The following CAMK4 variants were observed in gnomAD, a reference collection of about 807,000 sequenced individuals.
CAMK4 encodes the protein calcium/calmodulin-dependent protein kinase type IV.
A neutral mutation model predicts 44.9 loss-of-function variants in CAMK4; 22 were observed. The ratio of observed to expected loss-of-function variants is 0.49; its 90% CI spans 0.35 to 0.70. CAMK4 has a LOEUF of 0.70. Among genes scored for constraint, CAMK4 ranks in the 30% least tolerant of loss-of-function variants. CAMK4 has a pLI of 0.01. For missense variants in CAMK4, 498 were observed against 586.8 expected (o/e 0.85, Z 1.56); for synonymous variants, 218 against 215.4 (o/e 1.01, Z -0.11).
At chr5:111,461,796 A>G (rs2112467808) in intron 7 of CAMK4, among the ~76,000 whole-genome samples, 1 of 144,628 alleles carries the variant, frequency 6.9e-6, no homozygotes, top group East Asian at 2.0e-4. Context: ...CACTGAATTC[A>G]AAACAAGCCT....
At chr5:111,428,795 A>G (rs554899026) in intron 5 of CAMK4, among the ~76,000 whole-genome samples, 4 of 152,340 alleles carry the variant, frequency 2.6e-5, no homozygotes, top group African/African-American at 9.6e-5. Flanking sequence ...TAGAAAGTTT[A>G]ATAACAGAGA....
At chr5:111,233,775 A>C (rs546189116) in intron 1 of CAMK4, among the ~76,000 whole-genome samples, 8 of 152,338 alleles carry the variant, frequency 5.3e-5, no homozygotes, top group African/African-American at 1.9e-4. Context: ...AATTAAGGTC[A>C]TTTAAATGAG....
intron 10 of CAMK4, 140 bp from the exon 11 acceptor site, chr5:111,483,886 A>C (rs1755516626): frequency 1.9e-6 from 1 of 534,854 alleles, no homozygotes; most frequent in Non-Finnish European, 3.1e-6. Flanking sequence ...TTCTTTTGGC[A>C]AACAATCTAG....
At position 111,460,264 on chromosome 5, in the gene CAMK4, TC is replaced by T. The variant is rs1447645696; in HGVS notation, c.625+11062del. ...ATAATGTTTTTCTTTTCTTTTCTTT[TC>T]TTTTTCTTTTTTTTTTTTTTGAGGC... On this transcript the variant is annotated intron_variant, in intron 7 of 10. Transcript: ENST00000282356. Among the ~76,000 whole-genome samples, 111 of 82,900 alleles carry T rather than the reference TC, an allele frequency of 1.3e-3. 1 individual carries two copies. Among genetic ancestry groups the T allele is most frequent in the Admixed American group, 8.6e-3 (69 of 8,060 alleles). The allele number at this position is 82,900 out of a possible 152,430, so 54.4% of individuals were successfully genotyped here. A position where few individuals can be genotyped will look rare whatever the true frequency, so the allele number is the denominator to read the frequency against.
intron 1 of CAMK4, among the ~76,000 whole-genome samples, chr5:111,308,875 A>G (rs1748074920): frequency 6.6e-6 from 1 of 152,232 alleles, no homozygotes; most frequent in Admixed American, 6.5e-5. Context: ...TTATAGATGA[A>G]AAATAATTGA....
At chr5:111,410,231 G>C (rs999479019) in intron 5 of CAMK4, among the ~76,000 whole-genome samples, 1 of 141,416 alleles carries the variant, frequency 7.1e-6, no homozygotes, top group Non-Finnish European at 1.6e-5. Flanking sequence ...GTTCCACATG[G>C]TTAGGGAGGC....
intron 1 of CAMK4, among the ~76,000 whole-genome samples, chr5:111,271,881 G>A (rs1211803980): frequency 6.6e-6 from 1 of 152,078 alleles, no homozygotes; most frequent in African/African-American, 2.4e-5. Context: ...CTTCAGCAAA[G>A]GTAGAGAACA....
rs1198620250 is a variant in CAMK4 at position 111,420,531 on chromosome 5, C to T, written c.459+25749C>T. On this transcript the variant is annotated intron_variant, in intron 5 of 10. Coordinates refer to ENST00000282356, the MANE Select transcript of CAMK4 (RefSeq NM_001744.6). ...CTGGGAGACAGGGTTTTGAGAGCAA[C>T]TGGTCTGACCAAAATTATTAGGTGG... Among the ~76,000 whole-genome samples the T allele has an allele frequency of 2.0e-5, 3 of 152,072 alleles. No individual in the cohort carries two copies. In the East Asian group the frequency reaches 5.8e-4, roughly 29 times the overall value.
intron 1 of CAMK4, among the ~76,000 whole-genome samples, chr5:111,283,469 A>G (rs1290917782): frequency 6.6e-6 from 1 of 152,244 alleles, no homozygotes; most frequent in Non-Finnish European, 1.5e-5. Context: ...AAAAGTATCA[A>G]TGAATGAGCA....
chr5:111,251,858 A>G (rs1749509616), intron 1 of CAMK4, among the ~76,000 whole-genome samples: 1 of 151,982 alleles, frequency 6.6e-6, no homozygotes, highest in Non-Finnish European at 1.5e-5. Flanking sequence ...TGTTATGTGT[A>G]TGTGACTTTG....
chr5:111,277,192 A>T (rs1024880275), intron 1 of CAMK4, among the ~76,000 whole-genome samples: 4 of 152,236 alleles, frequency 2.6e-5, no homozygotes, highest in African/African-American at 9.6e-5. Flanking sequence ...AGCTCCATGA[A>T]TACTGGAAGT....
At chr5:111,455,210 T>C (rs972172509) in intron 7 of CAMK4, among the ~76,000 whole-genome samples, 7 of 152,208 alleles carry the variant, frequency 4.6e-5, no homozygotes, top group African/African-American at 1.4e-4. Flanking sequence ...TCCTACGATA[T>C]GCAGAAATCC....
At chr5:111,242,246 A>G (rs1408885132) in intron 1 of CAMK4, among the ~76,000 whole-genome samples, 1 of 152,094 alleles carries the variant, frequency 6.6e-6, no homozygotes, top group Non-Finnish European at 1.5e-5. Flanking sequence ...CCCACTTAAT[A>G]CATGTATAAC....
intron 1 of CAMK4, among the ~76,000 whole-genome samples, chr5:111,314,109 A>G (rs1234085218): frequency 2.0e-5 from 3 of 152,110 alleles, no homozygotes; most frequent in Non-Finnish European, 2.9e-5. Context: ...ACATTATTAA[A>G]CAGCTGTGAA....
chr5:111,355,391 G>C (rs751366296), intron 2 of CAMK4, among the ~76,000 whole-genome samples: 3 of 152,066 alleles, frequency 2.0e-5, no homozygotes, highest in Non-Finnish European at 4.4e-5. Context: ...GAATATACTT[G>C]AAAGTCAGAA....
rs1751156158 is a variant in CAMK4, at chr5:111,374,903, T to C, written c.294T>C (p.His98=). The change falls in exon 3 of 11, where the codon CAT becomes CAC. Residue 98 remains histidine, a synonymous_variant. Coordinates refer to ENST00000282356, the MANE Select transcript of CAMK4 (RefSeq NM_001744.6). ...TAGGAGTTCTTCTTCGCCTCTCACA[T>C]CCAAACATTGTAAGTGGTTTTTAAC... ...TEIGVLLRLS[H]PNIIKLKEIF... 3.1e-6 allele frequency: 5 copies of C among 1,610,294 alleles called. No homozygotes were observed. Among genetic ancestry groups the C allele is most frequent in the Non-Finnish European group, 4.2e-6 (5 of 1,176,942 alleles).
intron 1 of CAMK4, among the ~76,000 whole-genome samples, chr5:111,298,032 C>CT (rs146907200): frequency 4.1e-4 from 63 of 152,258 alleles, no homozygotes; most frequent in African/African-American, 1.4e-3. Context: ...GGTGGTATCT[C>CT]TAAGTTGATG....
chr5:111,334,284 A>G (rs953530356), intron 1 of CAMK4, among the ~76,000 whole-genome samples: 14 of 151,600 alleles, frequency 9.2e-5, no homozygotes, highest in Admixed American at 5.3e-4. Context: ...AATTAAATCA[A>G]TTAAGTAGCT....
chr5:111,394,681 G>T, intron 4 of CAMK4, 29 bp from the exon 5 acceptor site: 1 of 1,506,344 alleles, frequency 6.6e-7, no homozygotes, highest in South Asian at 1.1e-5. Context: ...GAATGTGCCT[G>T]AGAAGCATTT....
Sources: gnomAD v4.1 joint callset for allele counts (sites outside exome capture counted in the v4.1 genomes callset) on GRCh38, gnomAD v4.1.1 for gene constraint, MANE v1.5 for transcripts, NCBI Gene and HGNC (gene_info 2026-07-23, HGNC 2026-07-21) for gene names.